The following SPDYE4 variants were observed in gnomAD, a reference collection of about 807,000 sequenced individuals.
SPDYE4 encodes the protein speedy protein E4.
A neutral mutation model predicts 37.5 loss-of-function variants in SPDYE4; 30 were observed. The ratio of observed to expected loss-of-function variants is 0.80; its 90% CI spans 0.60 to 1.09. The LOEUF (loss-of-function observed/expected upper bound fraction) is 1.09, where lower values mean the gene tolerates loss of function less well. Ranked by LOEUF, SPDYE4 falls within the 50% of genes least tolerant of loss-of-function variation. SPDYE4 has a pLI of 0.00. For synonymous variants in SPDYE4, 131 were observed against 120.3 expected, an observed-to-expected ratio of 1.09 and a Z score of -0.58; for missense variants, 300 against 307.9, an observed-to-expected ratio of 0.97 and a Z score of 0.19.
chr17:8,748,722 A>T (rs1020524434), downstream of SPDYE4, among the ~76,000 whole-genome samples: 3 of 152,176 alleles, frequency 2.0e-5, no homozygotes, highest in African/African-American at 7.2e-5. Context: ...CGCATTTTAA[A>T]CATCAAGTTG....
rs576074465 is a variant in SPDYE4 at position 8,751,162 on chromosome 17, A to C, written c.*1120T>G. Among the ~76,000 whole-genome samples, 122 of 152,380 alleles carry C rather than the reference A, an allele frequency of 8.0e-4. 1 individual carries two copies. Among genetic ancestry groups the C allele is most frequent in the Middle Eastern group, 3.4e-3 (1 of 294 alleles). ...TGCTCCCTTCAGCAGCACATGTAAT[A>C]ACAGATAAAAAGATTTAAAAATAAA... On this transcript the variant is annotated 3_prime_UTR_variant, in exon 7 of 7. Coordinates refer to ENST00000689094, the MANE Select transcript of SPDYE4 (RefSeq NM_001394956.1).
In SPDYE4 at chr17:8,758,471, G is replaced by C; in HGVS notation, c.-89C>G. 8.0e-7 allele frequency: 1 copy of C among 1,255,050 alleles called. No individual in the cohort carries two copies. Among genetic ancestry groups the C allele is most frequent in the Non-Finnish European group, 1.1e-6 (1 of 880,192 alleles). 77.7% of individuals were successfully genotyped at this position (1,255,050 alleles called of 1,614,324 possible). ...TTCCAGACTCCGTTAGGACCCAGAAGAGTGCGTTTCTCTTCTAGAGGCTCG... is the reference window on the plus strand; with the variant it reads ...TTCCAGACTCCGTTAGGACCCAGAACAGTGCGTTTCTCTTCTAGAGGCTCG... On this transcript the variant is annotated 5_prime_UTR_variant, in exon 1 of 7. Coordinates refer to ENST00000689094, the MANE Select transcript of SPDYE4 (RefSeq NM_001394956.1).
In SPDYE4 at chr17:8,758,282, C is replaced by A; in HGVS notation, c.101G>T (p.Gly34Val). The A allele has an allele frequency of 6.5e-7, 1 of 1,544,694 alleles. No individual in the cohort carries two copies. Among genetic ancestry groups the A allele is most frequent in the Admixed American group, 2.0e-5 (1 of 50,428 alleles). The change falls in exon 1 of 7, where the codon GGA (glycine) becomes GTA (valine). Residue 34 changes from glycine (G) to valine (V), a missense_variant. By Grantham distance (109) the Gly-to-Val change is moderately radical. Transcript: ENST00000689094. ...CCCTCCAGTCACCTCACCTGATGGTCCTGGCACTTCATCATCCACCACCAC... is the reference window on the plus strand; with the variant it reads ...CCCTCCAGTCACCTCACCTGATGGTACTGGCACTTCATCATCCACCACCAC... The part of the protein sequence containing the change: ...PEVVVDDEVP[G>V]PSAPWIDPSP...
downstream of SPDYE4, among the ~76,000 whole-genome samples, chr17:8,750,711 A>AAAACAAAC (rs35778807): frequency 2.2e-4 from 33 of 151,598 alleles, no homozygotes; most frequent in Admixed American, 5.9e-4. Context: ...CTCCATCTCA[A>AAAACAAAC]AAACAAACAA....
In SPDYE4 at chr17:8,757,384, C is replaced by G; in HGVS notation, c.218G>C (p.Arg73Pro). The G allele has an allele frequency of 5.0e-6, 8 of 1,592,272 alleles. No individual in the cohort carries two copies. The highest frequency in any genetic ancestry group is 6.8e-6 in the Non-Finnish European group (8 of 1,169,064). The change falls in exon 2 of 7, where the codon CGC (arginine) becomes CCC (proline). Residue 73 changes from arginine (R) to proline (P), a missense_variant. Physicochemically the swap from Arg to Pro is moderately radical, Grantham distance 103. Coordinates refer to ENST00000689094, the MANE Select transcript of SPDYE4 (RefSeq NM_001394956.1). ...CCAGGTGTCCTCGGGCTCAGGGGCG[C>G]GCTCCAACTCCAGCTCCTCCTCCAG... ...EELEEELELE[R>P]APEPEDTWVV...
At chr17:8,756,490 A>T in intron 2 of SPDYE4, 54 bp from the exon 3 acceptor site, 7 of 1,538,156 alleles carry the variant, frequency 4.6e-6, no homozygotes, top group Non-Finnish European at 6.3e-6. Flanking sequence ...TTGCCGTGGG[A>T]GCAGCAGAGC....
At chr17:8,752,993 G>T (rs2086739578) in intron 6 of SPDYE4, 101 bp downstream of exon 6, 3 of 1,047,996 alleles carry the variant, frequency 2.9e-6, no homozygotes, top group African/African-American at 3.2e-5. Context: ...ACGGGGTGTC[G>T]CCATGTTGAC....
chr17:8,755,635 A>G, intron 3 of SPDYE4, 30 bp from the exon 4 acceptor site: 1 of 1,608,142 alleles, frequency 6.2e-7, no homozygotes. Context: ...AGAGAGAGAG[A>G]AAGGTTGGTC....
chr17:8,753,672 A>C (rs7224469), intron 4 of SPDYE4, among the ~76,000 whole-genome samples, 183 bp from the exon 5 acceptor site: 17,625 of 152,078 alleles, frequency 0.12, 2,312 homozygotes, highest in African/African-American at 0.33. Context: ...GTGCCTCTCA[A>C]ACCTTCAGGA....
intron 4 of SPDYE4, 75 bp from the exon 5 acceptor site, chr17:8,753,564 A>G (rs940605730): frequency 8.1e-5 from 126 of 1,560,306 alleles, no homozygotes; most frequent in Non-Finnish European, 1.1e-4. Flanking sequence ...CCTCTCAGAG[A>G]GGAGGGCAGG....
At chr17:8,753,549 G>T in intron 4 of SPDYE4, 60 bp from the exon 5 acceptor site, 2 of 1,589,358 alleles carry the variant, frequency 1.3e-6, no homozygotes, top group Non-Finnish European at 1.7e-6. Flanking sequence ...CCTGCCTGAG[G>T]GCAGCCTCTC....
chr17:8,753,616 G>T, intron 4 of SPDYE4, 127 bp from the exon 5 acceptor site: 2 of 1,153,678 alleles, frequency 1.7e-6, no homozygotes, highest in Admixed American at 2.7e-5. Context: ...CCTGCAGAGA[G>T]CCCTGCCTTC....
rs183068500 is a variant in SPDYE4, at chr17:8,757,250, G to A, written c.340+12C>T. On this transcript the variant is annotated intron_variant, in intron 2 of 6. Coordinates refer to ENST00000689094, the MANE Select transcript of SPDYE4 (RefSeq NM_001394956.1). The stretch of plus-strand genomic sequence containing the variant: ...AACAGGGTTGGAGGTGCTTTTTGGG[G>A]TATCCTCCTACCAAGGAGCCTGTTG... 2.6e-5 allele frequency: 42 copies of A among 1,595,574 alleles called. No homozygotes were observed. Among genetic ancestry groups the A allele is most frequent in the Non-Finnish European group, 3.3e-5 (39 of 1,170,626 alleles).
chr17:8,748,291 T>TTC (rs2086703926), downstream of SPDYE4, among the ~76,000 whole-genome samples: 1 of 152,210 alleles, frequency 6.6e-6, no homozygotes, highest in African/African-American at 2.4e-5. Flanking sequence ...ACAGCTTGCT[T>TTC]TCTCTCTCTT....
chr17:8,756,774 G>C (rs1018445581), intron 2 of SPDYE4, among the ~76,000 whole-genome samples: 1 of 152,212 alleles, frequency 6.6e-6, no homozygotes, highest in African/African-American at 2.4e-5. Flanking sequence ...TCACAGCTGG[G>C]TGTGCCCATG....
At chr17:8,749,554 C>T (rs1221420515), downstream of SPDYE4, among the ~76,000 whole-genome samples, 1 of 152,124 alleles carries the variant, frequency 6.6e-6, no homozygotes, top group Non-Finnish European at 1.5e-5. Flanking sequence ...GCTTGAGCCA[C>T]CGTGCCAGGC....
downstream of SPDYE4, among the ~76,000 whole-genome samples, chr17:8,749,928 C>T (rs2086716135): frequency 6.6e-6 from 1 of 152,146 alleles, no homozygotes; most frequent in Non-Finnish European, 1.5e-5. Context: ...ATAGTAATTG[C>T]ATTCTAGGCT....
intron 1 of SPDYE4, among the ~76,000 whole-genome samples, chr17:8,757,782 TC>T (rs1363432579): frequency 6.5e-5 from 8 of 123,704 alleles, no homozygotes; most frequent in African/African-American, 2.0e-4. Flanking sequence ...TCTCTCTCTC[TC>T]TCTTTTTTTT....
downstream of SPDYE4, among the ~76,000 whole-genome samples, chr17:8,750,788 G>A (rs530850211): frequency 7.2e-5 from 11 of 152,266 alleles, no homozygotes; most frequent in South Asian, 1.7e-3. Context: ...AACTAAAACC[G>A]CATTAAACAA....
Sources: allele counts gnomAD v4.1 joint callset (sites outside exome capture counted in the v4.1 genomes callset), GRCh38; gene constraint gnomAD v4.1.1; transcripts MANE v1.5; gene names NCBI Gene and HGNC (gene_info 2026-07-23, HGNC 2026-07-21).